Variants in SORBS2 observed in about 807,000 individuals in gnomAD.
SORBS2 encodes sorbin and SH3 domain containing 2, also known as sorbin and SH3 domain-containing protein 2.
SORBS2 carries 46 observed loss-of-function variants against 97.7 expected under a neutral mutation model. The ratio of observed to expected loss-of-function variants is 0.47; its 90% confidence interval spans 0.37 to 0.60. The LOEUF is 0.60. SORBS2 is among the 20% of genes least tolerant of loss of function. SORBS2 has a pLI of 0.00. For synonymous variants in SORBS2, 476 were observed against 473.4 expected (o/e 1.01, Z -0.07); for missense variants, 1,316 against 1,282.3 (o/e 1.03, Z -0.40).
At chr4:185,842,544 AG>A (rs1488406888) in intron 1 of SORBS2, among the ~76,000 whole-genome samples, 2 of 152,196 alleles carry the variant, frequency 1.3e-5, no homozygotes, top group African/African-American at 2.4e-5. Flanking sequence ...ACTGGGGCTA[AG>A]GGGCAACTTG....
chr4:185,820,251 G>A (rs954376924), intron 1 of SORBS2, among the ~76,000 whole-genome samples: 2 of 152,184 alleles, frequency 1.3e-5, no homozygotes, highest in East Asian at 1.9e-4. Context: ...TGTCATCAGT[G>A]GGAACTTATC....
chr4:185,884,659 C>T (rs1414910116), intron 1 of SORBS2, among the ~76,000 whole-genome samples: 2 of 152,156 alleles, frequency 1.3e-5, no homozygotes, highest in African/African-American at 4.8e-5. Context: ...ACTGACCTAT[C>T]ATCTAGACTA....
intron 1 of SORBS2, among the ~76,000 whole-genome samples, chr4:185,817,805 C>T (rs1043749449): frequency 6.6e-6 from 1 of 152,212 alleles, no homozygotes; most frequent in African/African-American, 2.4e-5. Flanking sequence ...CATGCTAAAG[C>T]CCTCAGCTGC....
intron 1 of SORBS2, among the ~76,000 whole-genome samples, chr4:185,839,588 A>C (rs958767613): frequency 5.3e-5 from 8 of 152,132 alleles, no homozygotes; most frequent in African/African-American, 1.7e-4. Context: ...TAAGAGAGGA[A>C]TGTACTCCAA....
At chr4:185,704,357 C>T (rs1208717669) in intron 2 of SORBS2, among the ~76,000 whole-genome samples, 2 of 152,082 alleles carry the variant, frequency 1.3e-5, no homozygotes, top group Non-Finnish European at 2.9e-5. Context: ...CTCACTCTGT[C>T]GCCCAGGCTG....
intron 2 of SORBS2, among the ~76,000 whole-genome samples, chr4:185,685,579 T>C (rs988883838): frequency 1.3e-5 from 2 of 152,238 alleles, no homozygotes; most frequent in Non-Finnish European, 2.9e-5. Context: ...TCACCCAGGC[T>C]GGAGTGCAGT....
intron 2 of SORBS2, among the ~76,000 whole-genome samples, chr4:185,744,101 C>T (rs1446932229): frequency 7.2e-6 from 1 of 139,128 alleles, no homozygotes; most frequent in Non-Finnish European, 1.5e-5. Context: ...CCCCCTTTCT[C>T]TTCTCCCCCT....
At chr4:185,601,477 C>T (rs139424202) in intron 12 of SORBS2, among the ~76,000 whole-genome samples, 120 of 152,330 alleles carry the variant, frequency 7.9e-4, no homozygotes, top group African/African-American at 2.9e-3. Context: ...GCGGAAGCTT[C>T]TCTCTGAGGA....
intron 1 of SORBS2, among the ~76,000 whole-genome samples, chr4:185,782,355 G>A (rs2099035254): frequency 6.6e-6 from 1 of 152,114 alleles, no homozygotes. Context: ...ATCTTAATTT[G>A]CATTTATTCT....
chr4:185,634,499 C>A (rs2096961455), intron 4 of SORBS2, among the ~76,000 whole-genome samples: 1 of 151,936 alleles, frequency 6.6e-6, no homozygotes, highest in East Asian at 1.9e-4. Flanking sequence ...TGATGGCTAG[C>A]AAAACAGTGC....
Position 185,602,181 on chromosome 4 carries a change from T to C in SORBS2, c.2797-8246A>G, listed in dbSNP as rs1378449853. Among the ~76,000 whole-genome samples, 2 of 152,186 alleles carry C rather than the reference T, an allele frequency of 1.3e-5. 1 individual carries two copies. The highest frequency in any genetic ancestry group is 6.3e-3 in the Middle Eastern group (2 of 316). On this transcript the variant is annotated intron_variant, in intron 12 of 14. Transcript: ENST00000418609. Reference sequence around the variant, plus strand: ...CCTGTCACCACGTCCGGCTAATTTTTGTATTTTTGGTAGAGACGGGGTTTC... The same window carrying C: ...CCTGTCACCACGTCCGGCTAATTTTCGTATTTTTGGTAGAGACGGGGTTTC...
intron 1 of SORBS2, among the ~76,000 whole-genome samples, chr4:185,946,137 T>A (rs150827936): frequency 6.9e-6 from 1 of 144,312 alleles, no homozygotes; most frequent in Non-Finnish European, 1.5e-5. Context: ...GTGTGTGACA[T>A]GTGTCTCCCT....
At chr4:185,784,183 G>A (rs1203710897) in intron 1 of SORBS2, among the ~76,000 whole-genome samples, 1 of 152,098 alleles carries the variant, frequency 6.6e-6, no homozygotes, top group Non-Finnish European at 1.5e-5. Flanking sequence ...CCAGGCTAGA[G>A]TGCAGTGACG....
rs189590240 is a variant in SORBS2, at chr4:185,726,621, T to G, written c.-197-47799A>C. ...AGAAACATAAGGATATTTAGATGTA[T>G]AATATATTATATATATAATATATTT... On this transcript the variant is annotated intron_variant, in intron 2 of 20. Coordinates refer to the SORBS2 transcript ENST00000284776. Among the ~76,000 whole-genome samples, 828 of 150,962 alleles carry G rather than the reference T, an allele frequency of 5.5e-3. 3 individuals carry two copies. The highest frequency in any genetic ancestry group is 9.5e-3 in the Non-Finnish European group (645 of 67,752).
At position 185,795,300 on chromosome 4, in the gene SORBS2, GAAGA is replaced by G. The variant is rs1410269077; in HGVS notation, c.-337-19938_-337-19935del. Among the ~76,000 whole-genome samples, 12 of 152,270 alleles carry G rather than the reference GAAGA, an allele frequency of 7.9e-5. No homozygotes were observed. The South Asian group carries it at 1.9e-3, about 24-fold the overall frequency. On this transcript the variant is annotated intron_variant, in intron 1 of 20. Coordinates refer to the SORBS2 transcript ENST00000284776. ...CTCACATCCTACACCCTCAAAAATA[GAAGA>G]AAGAGGTCGGGGCAGCTTCGGCAAT...
chr4:185,718,614 A>C (rs2098485220), intron 2 of SORBS2, among the ~76,000 whole-genome samples: 1 of 152,222 alleles, frequency 6.6e-6, no homozygotes, highest in South Asian at 2.1e-4. Context: ...ATACTGATTG[A>C]GCATATCCTG....
At chr4:185,831,966 G>T (rs1165027638) in intron 1 of SORBS2, among the ~76,000 whole-genome samples, 1 of 152,142 alleles carries the variant, frequency 6.6e-6, no homozygotes, top group African/African-American at 2.4e-5. Context: ...CATAGTGTCT[G>T]GCACATACTA....
intron 1 of SORBS2, among the ~76,000 whole-genome samples, chr4:185,881,495 C>T (rs12498701): frequency 0.069 from 10,440 of 152,186 alleles, 460 homozygotes; most frequent in East Asian, 0.18. Flanking sequence ...AATTTTCAGA[C>T]ATTCAGACAA....
intron 5 of SORBS2, among the ~76,000 whole-genome samples, chr4:185,629,184 G>A (rs923429839): frequency 1.3e-5 from 2 of 152,132 alleles, no homozygotes; most frequent in African/African-American, 4.8e-5. Context: ...CCTCAGAACT[G>A]GTTTGTCCTC....
Sources: allele counts gnomAD v4.1 joint callset (sites outside exome capture counted in the v4.1 genomes callset), GRCh38; gene constraint gnomAD v4.1.1; transcripts MANE v1.5; gene names NCBI Gene and HGNC (gene_info 2026-07-23, HGNC 2026-07-21).